SIPA1L3: variants seen among roughly 807,000 people sequenced by gnomAD.
SIPA1L3 encodes the protein signal-induced proliferation-associated 1-like protein 3.
Under a neutral mutation model 150.1 loss-of-function variants are expected in SIPA1L3, and 59 were observed. The observed-to-expected ratio is 0.39, with a 90% CI of 0.32 to 0.49. The LOEUF is 0.49. SIPA1L3 is among the 20% of genes least tolerant of loss of function. The probability of loss-of-function intolerance (pLI) is 0.86; values close to 1 mark genes in which losing one functional copy is unlikely to be tolerated. For synonymous variants in SIPA1L3, 1,070 were observed against 1,077.6 expected (o/e 0.99, Z 0.14); for missense variants, 2,211 against 2,489.5 (o/e 0.89, Z 2.38).
chr19:38,116,520 T>A (rs1970883159), intron 8 of SIPA1L3, among the ~76,000 whole-genome samples: 1 of 104,422 alleles, frequency 9.6e-6, no homozygotes, highest in Non-Finnish European at 1.7e-5. Flanking sequence ...AGCAAGACTC[T>A]GTCTCAAAAA....
intron 2 of SIPA1L3, among the ~76,000 whole-genome samples, chr19:38,070,680 G>C (rs1164245826): frequency 6.6e-6 from 1 of 152,216 alleles, no homozygotes; most frequent in African/African-American, 2.4e-5. Flanking sequence ...GAACATGGTA[G>C]GTGTTTGTTG....
Position 38,119,789 on chromosome 19 carries a change from ACT to A in SIPA1L3, c.2777_2778del (p.Leu926GlnfsTer65). 1.2e-6 allele frequency: 2 copies of A among 1,613,790 alleles called. No homozygotes were observed. Among genetic ancestry groups the A allele is most frequent in the Non-Finnish European group, 1.7e-6 (2 of 1,180,000 alleles). On this transcript the variant is annotated frameshift_variant, in exon 9 of 22. Coordinates refer to ENST00000222345, the MANE Select transcript of SIPA1L3 (RefSeq NM_015073.3). LOFTEE classifies it high-confidence loss of function. ...VIGWTPDSST[L>X]KIFYGRGDHI... The stretch of plus-strand genomic sequence containing the variant: ...TTGGCTGGACTCCAGACTCCTCCAC[ACT>A]CAAAATCTTCTATGGACGAGGAGAC...
chr19:38,016,498 T>C (rs551098130), intron 1 of SIPA1L3, among the ~76,000 whole-genome samples: 1 of 152,258 alleles, frequency 6.6e-6, no homozygotes, highest in South Asian at 2.1e-4. Flanking sequence ...ATACTGTGAA[T>C]TCACGTCTTC....
intron 1 of SIPA1L3, among the ~76,000 whole-genome samples, chr19:38,020,942 A>G (rs1236624499): frequency 6.6e-6 from 1 of 152,160 alleles, no homozygotes; most frequent in Non-Finnish European, 1.5e-5. Context: ...CTGGGACTAC[A>G]GGCGTGTGCC....
At chr19:37,966,662 A>G (rs982354104) in intron 1 of SIPA1L3, among the ~76,000 whole-genome samples, 3 of 152,096 alleles carry the variant, frequency 2.0e-5, no homozygotes, top group African/African-American at 4.8e-5. Flanking sequence ...CCTCCTCCCC[A>G]GTGTTTTCTT....
At position 37,972,966 on chromosome 19, in the gene SIPA1L3, T is replaced by G. The variant is rs575759796; in HGVS notation, c.-378-56123T>G. On this transcript the variant is annotated intron_variant, in intron 1 of 21. Transcript: ENST00000222345. ...TTCACTCCTTCCCTGTGATCCTGATTAGTTACATGGCGACAGCTAGCTGCA... is the reference window on the plus strand; with the variant it reads ...TTCACTCCTTCCCTGTGATCCTGATGAGTTACATGGCGACAGCTAGCTGCA... 2.0e-5 allele frequency among the ~76,000 whole-genome samples: 3 copies of G among 152,266 alleles called. No homozygotes were observed. The South Asian group carries it at 6.2e-4, about 32-fold the overall frequency.
intron 15 of SIPA1L3, 150 bp downstream of exon 15, chr19:38,165,056 G>T: frequency 1.3e-6 from 1 of 777,410 alleles, no homozygotes; most frequent in East Asian, 2.7e-5. Context: ...TGAGGAGCTC[G>T]TGGATCTCTG....
chr19:38,027,587 C>G (rs1262782982), intron 1 of SIPA1L3, among the ~76,000 whole-genome samples: 3 of 152,032 alleles, frequency 2.0e-5, no homozygotes, highest in Non-Finnish European at 4.4e-5. Context: ...AGCCCACTGC[C>G]TTCATTGACC....
intron 15 of SIPA1L3, among the ~76,000 whole-genome samples, chr19:38,177,378 T>A (rs934765345): frequency 2.4e-5 from 3 of 125,922 alleles, no homozygotes; most frequent in Admixed American, 7.9e-5. Flanking sequence ...AAAAAAAAAA[T>A]TCTAGTTTAT....
In SIPA1L3 at chr19:38,164,934, T is replaced by C; in HGVS notation, c.4208+28T>C. ...AAGCTGTTGCACCTAGTCTGGGTTC[T>C]AACCACCTTCCACTTCGCCAGTTCT... On this transcript the variant is annotated intron_variant, in intron 15 of 21. Coordinates refer to ENST00000222345, the MANE Select transcript of SIPA1L3 (RefSeq NM_015073.3). The surrounding 1 kb of genome is among the most constrained non-coding windows in gnomAD (Gnocchi z 4.1). The C allele has an allele frequency of 6.7e-7, 1 of 1,503,390 alleles. No homozygotes were observed. Among genetic ancestry groups the C allele is most frequent in the Non-Finnish European group, 8.9e-7 (1 of 1,128,638 alleles). The allele number at this position is 1,503,390 out of a possible 1,614,324, so 93.1% of individuals were successfully genotyped here.
intron 1 of SIPA1L3, among the ~76,000 whole-genome samples, chr19:37,998,938 T>C (rs1004378166): frequency 2.6e-5 from 4 of 151,810 alleles, no homozygotes; most frequent in Non-Finnish European, 5.9e-5. Context: ...ACTCCCTACT[T>C]TTTTTTAGCA....
At chr19:38,044,604 A>C (rs900612750) in intron 2 of SIPA1L3, among the ~76,000 whole-genome samples, 11 of 152,128 alleles carry the variant, frequency 7.2e-5, no homozygotes, top group African/African-American at 2.4e-4. Flanking sequence ...TGAAGGTGTG[A>C]CTACACGTGT....
intron 1 of SIPA1L3, among the ~76,000 whole-genome samples, chr19:37,954,203 T>C (rs1274090786): frequency 1.3e-5 from 2 of 152,124 alleles, no homozygotes; most frequent in Non-Finnish European, 2.9e-5. Flanking sequence ...TCCTGAAAAA[T>C]GTTCCCTTTG....
At chr19:37,937,112 C>T (rs1374257480) in intron 1 of SIPA1L3, among the ~76,000 whole-genome samples, 1 of 152,178 alleles carries the variant, frequency 6.6e-6, no homozygotes, top group Non-Finnish European at 1.5e-5. Context: ...ATCCTCCTGC[C>T]TTGGCTTCCC....
At chr19:38,097,870 A>G (rs576321596) in intron 4 of SIPA1L3, among the ~76,000 whole-genome samples, 3 of 152,292 alleles carry the variant, frequency 2.0e-5, no homozygotes, top group South Asian at 4.1e-4. Flanking sequence ...TATACTTTAT[A>G]TATTTGGATA....
rs745925544 is a variant in SIPA1L3 at position 38,119,534 on chromosome 19, C to T, written c.2520C>T (p.Ser840=). 2 of 1,614,212 alleles carry T rather than the reference C, an allele frequency of 1.2e-6. No individual in the cohort carries two copies. The highest frequency in any genetic ancestry group is 1.7e-6 in the Non-Finnish European group (2 of 1,180,036). The change falls in exon 9 of 22, where the codon TCC becomes TCT. Residue 840 remains serine (S), a synonymous_variant. Coordinates refer to ENST00000222345, the MANE Select transcript of SIPA1L3 (RefSeq NM_015073.3). Reference sequence around the variant, plus strand: ...GTGTCTCCAACACCCCCATCGACTCCACCGGCAAATTCAACCTCATCTCCC... The same window carrying T: ...GTGTCTCCAACACCCCCATCGACTCTACCGGCAAATTCAACCTCATCTCCC... ...ENCVSNTPID[S]TGKFNLISLT...
At chr19:37,965,447 C>G (rs991585288) in intron 1 of SIPA1L3, among the ~76,000 whole-genome samples, 9 of 151,718 alleles carry the variant, frequency 5.9e-5, no homozygotes, top group Non-Finnish European at 4.4e-5. Flanking sequence ...TCCTGAGTAG[C>G]TGGGATTACA....
chr19:38,041,450 T>C (rs772092514), intron 2 of SIPA1L3, among the ~76,000 whole-genome samples: 2 of 151,910 alleles, frequency 1.3e-5, no homozygotes, highest in African/African-American at 2.4e-5. Flanking sequence ...AGCTAATTTT[T>C]GTATTTTTAG....
At chr19:38,167,772 C>T (rs1972242687) in intron 15 of SIPA1L3, among the ~76,000 whole-genome samples, 1 of 152,036 alleles carries the variant, frequency 6.6e-6, no homozygotes, top group Non-Finnish European at 1.5e-5. Flanking sequence ...ACTGTGTTGC[C>T]AAGGTTGGTC....
Sources: allele counts gnomAD v4.1 joint callset (sites outside exome capture counted in the v4.1 genomes callset), GRCh38; gene constraint gnomAD v4.1.1; non-coding constraint Gnocchi (gnomAD v3.1); transcripts MANE v1.5; gene names NCBI Gene and HGNC (gene_info 2026-07-23, HGNC 2026-07-21).